Variants in IL1RAPL2 observed in about 807,000 individuals in gnomAD.
IL1RAPL2 encodes interleukin 1 receptor accessory protein like 2.
IL1RAPL2 carries 3 observed loss-of-function variants against 44.1 expected under a neutral mutation model. The ratio of observed to expected loss-of-function variants is 0.07; its 90% CI spans 0.03 to 0.18. The LOEUF (loss-of-function observed/expected upper bound fraction) is 0.18. IL1RAPL2 is among the 10% of genes least tolerant of loss of function. The pLI, the probability that IL1RAPL2 is intolerant of heterozygous loss-of-function variation, is 1.00. For synonymous variants in IL1RAPL2, 181 were observed against 178.8 expected, an observed-to-expected ratio of 1.01 and a Z score of -0.10; for missense variants, 391 against 496.4, an observed-to-expected ratio of 0.79 and a Z score of 2.02.
chrX:105,115,994 C>T (rs1367426577), intron 2 of IL1RAPL2, among the ~76,000 whole-genome samples: 1 of 113,334 alleles, frequency 8.8e-6, no homozygotes, highest in Non-Finnish European at 1.9e-5. Flanking sequence ...GGCCAGCCAG[C>T]AGCTCTGAGT....
intron 6 of IL1RAPL2, among the ~76,000 whole-genome samples, chrX:105,715,066 A>G (rs210439): frequency 0.29 from 32,528 of 111,352 alleles, 6,663 homozygotes; most frequent in African/African-American, 0.75. Flanking sequence ...CTGCTAGACT[A>G]GAGCATGTGG....
At chrX:105,103,896 T>A (rs764325301) in intron 2 of IL1RAPL2, among the ~76,000 whole-genome samples, 1 of 111,893 alleles carries the variant, frequency 8.9e-6, no homozygotes, top group Non-Finnish European at 1.9e-5. Context: ...GGTCCCATAA[T>A]AAAAGAGAAA....
In IL1RAPL2 at chrX:105,681,973, AT is replaced by A. The variant is rs747207091; in HGVS notation, c.773-35393del. Among the ~76,000 whole-genome samples the A allele has an allele frequency of 1.0e-3, 116 of 111,733 alleles. 1 individual carries two copies. The highest frequency in any genetic ancestry group is 3.5e-3 in the African/African-American group (109 of 30,833). On this transcript the variant is annotated intron_variant, in intron 6 of 10. Coordinates refer to ENST00000372582, the MANE Select transcript of IL1RAPL2 (RefSeq NM_017416.2). ...GATCAGAGTAAAACAAACAAAAAAA[AT>A]ATCTAAGACAAAAGACTATGGTTAG...
intron 1 of IL1RAPL2, among the ~76,000 whole-genome samples, chrX:104,633,028 T>A (rs994768347): frequency 9.0e-5 from 10 of 111,631 alleles, no homozygotes; most frequent in Non-Finnish European, 1.7e-4. Context: ...AATACCTAAT[T>A]TATTGAGAGT....
chrX:105,409,807 TATAGATAG>T (rs764698139), intron 5 of IL1RAPL2, among the ~76,000 whole-genome samples: 61 of 89,411 alleles, frequency 6.8e-4, no homozygotes, highest in Middle Eastern at 5.9e-3. Flanking sequence ...GGCTTTGATT[TATAGATAG>T]ATAGATAGAT....
At chrX:104,838,762 T>TGAATAGGA (rs747344629) in intron 2 of IL1RAPL2, among the ~76,000 whole-genome samples, 84 of 110,180 alleles carry the variant, frequency 7.6e-4, no homozygotes, top group South Asian at 2.0e-3. Context: ...AATACTATGT[T>TGAATAGGA]GAATAGGAGT....
At position 105,729,919 on chromosome X, in the gene IL1RAPL2, AGGAGGGAG is replaced by A. The variant is rs748859504; in HGVS notation, c.903-10615_903-10608del. On this transcript the variant is annotated intron_variant, in intron 7 of 10. Coordinates refer to ENST00000372582, the MANE Select transcript of IL1RAPL2 (RefSeq NM_017416.2). ...AAGGAAGGAAGGAAGGAAGGAAGGA[AGGAGGGAG>A]GGAGGGAGGGAAGGAAGGAAGGAAG... Among the ~76,000 whole-genome samples, 13 of 70,206 alleles carry A rather than the reference AGGAGGGAG, an allele frequency of 1.9e-4. 1 individual carries two copies. The highest frequency in any genetic ancestry group is 7.4e-4 in the Admixed American group (5 of 6,783). 61.0% of individuals were successfully genotyped at this position (70,206 alleles called of 115,157 possible). A position where few individuals can be genotyped will look rare whatever the true frequency, so the allele number is the denominator to read the frequency against.
chrX:105,447,851 A>G (rs186046864), intron 5 of IL1RAPL2, among the ~76,000 whole-genome samples: 1 of 93,173 alleles, frequency 1.1e-5, no homozygotes, highest in Non-Finnish European at 2.0e-5. Context: ...ATATAAATAT[A>G]TAAATATATA....
At chrX:105,593,531 T>C (rs1368853331) in intron 6 of IL1RAPL2, among the ~76,000 whole-genome samples, 1 of 112,194 alleles carries the variant, frequency 8.9e-6, no homozygotes, top group African/African-American at 3.2e-5. Context: ...ATAATGGTTC[T>C]GTCTCATCTG....
chrX:105,602,127 C>A (rs1045418201), intron 6 of IL1RAPL2, among the ~76,000 whole-genome samples: 2 of 111,562 alleles, frequency 1.8e-5, no homozygotes, highest in Non-Finnish European at 3.8e-5. Context: ...CTGAACCTAG[C>A]ACCTCCAGTG....
chrX:105,604,088 A>G (rs988435529), intron 6 of IL1RAPL2, among the ~76,000 whole-genome samples: 2 of 111,305 alleles, frequency 1.8e-5, no homozygotes, highest in Non-Finnish European at 3.8e-5. Flanking sequence ...CAACCCTACA[A>G]TGCACCTCAA....
At chrX:104,947,078 T>G (rs1463740372) in intron 2 of IL1RAPL2, among the ~76,000 whole-genome samples, 1 of 110,750 alleles carries the variant, frequency 9.0e-6, no homozygotes, top group Non-Finnish European at 1.9e-5. Context: ...CCAGCACTTC[T>G]TGTTTCCTGA....
intron 6 of IL1RAPL2, among the ~76,000 whole-genome samples, chrX:105,617,883 A>G (rs2037389181): frequency 9.0e-6 from 1 of 111,701 alleles, no homozygotes; most frequent in African/African-American, 3.2e-5. Flanking sequence ...ATTAGATGCA[A>G]TTTTAACTCC....
chrX:104,645,997 G>A (rs1408545679), intron 1 of IL1RAPL2, among the ~76,000 whole-genome samples: 1 of 112,096 alleles, frequency 8.9e-6, no homozygotes, highest in African/African-American at 3.2e-5. Context: ...CTGACATGTA[G>A]AGAGATCTAT....
At chrX:105,402,013 A>G (rs929320828) in intron 5 of IL1RAPL2, among the ~76,000 whole-genome samples, 4 of 110,950 alleles carry the variant, frequency 3.6e-5, no homozygotes, top group African/African-American at 1.3e-4. Flanking sequence ...TTGAAGAAAA[A>G]TGCTCCTAAA....
chrX:104,820,150 C>G (rs57247945), intron 2 of IL1RAPL2, among the ~76,000 whole-genome samples: 1,447 of 111,676 alleles, frequency 0.013, 21 homozygotes, highest in African/African-American at 0.044. Context: ...ATATCAGAGA[C>G]AGATACCTAT....
At chrX:105,156,623 GTTCAT>G (rs781460013) in intron 2 of IL1RAPL2, among the ~76,000 whole-genome samples, 2 of 111,930 alleles carry the variant, frequency 1.8e-5, no homozygotes, top group South Asian at 3.7e-4. Flanking sequence ...TTAAAATTTG[GTTCAT>G]TTCTTTTCAT....
chrX:105,073,507 G>A (rs767619832), intron 2 of IL1RAPL2, among the ~76,000 whole-genome samples: 1 of 110,569 alleles, frequency 9.0e-6, no homozygotes, highest in Admixed American at 9.7e-5. Context: ...ATAAACATAT[G>A]TGTGCATGTG....
intron 2 of IL1RAPL2, among the ~76,000 whole-genome samples, chrX:105,084,667 C>T (rs1455967598): frequency 8.9e-6 from 1 of 112,095 alleles, no homozygotes; most frequent in East Asian, 2.8e-4. Context: ...GATGAGACTT[C>T]GGACTGTGGA....
Sources: gnomAD v4.1 joint callset for allele counts (sites outside exome capture counted in the v4.1 genomes callset) on GRCh38, gnomAD v4.1.1 for gene constraint, MANE v1.5 for transcripts, NCBI Gene and HGNC (gene_info 2026-07-23, HGNC 2026-07-21) for gene names.